ANKRD44: variants seen among roughly 807,000 people sequenced by gnomAD.
ANKRD44 encodes serine/threonine-protein phosphatase 6 regulatory ankyrin repeat subunit B.
In ANKRD44, 35 loss-of-function variants were observed where a neutral mutation model predicts 116.0. That is an observed-to-expected ratio of 0.30 (90% CI 0.23 to 0.40). The LOEUF (loss-of-function observed/expected upper bound fraction) is 0.40, where lower values mean the gene tolerates loss of function less well. Ranked by LOEUF, ANKRD44 falls within the 10% of genes least tolerant of loss-of-function variation. The pLI, the probability that ANKRD44 is intolerant of heterozygous loss-of-function variation, is 1.00. For missense variants in ANKRD44, 1,014 were observed against 1,242.6 expected, an observed-to-expected ratio of 0.82 and a Z score of 2.77; for synonymous variants, 435 against 461.8, an observed-to-expected ratio of 0.94 and a Z score of 0.74.
At chr2:197,060,892 T>C (rs1300404783) in intron 16 of ANKRD44, among the ~76,000 whole-genome samples, 1 of 152,226 alleles carries the variant, frequency 6.6e-6, no homozygotes, top group Non-Finnish European at 1.5e-5. Context: ...TCCCAGTCTC[T>C]GTGTGTCTCT....
At chr2:197,002,732 T>TAAAACAA (rs1260828882) in intron 21 of ANKRD44, among the ~76,000 whole-genome samples, 3 of 152,002 alleles carry the variant, frequency 2.0e-5, no homozygotes, top group Non-Finnish European at 4.4e-5. Context: ...CAGACCTGGT[T>TAAAACAA]AAAACAAAAA....
intron 1 of ANKRD44, among the ~76,000 whole-genome samples, chr2:197,254,035 T>C (rs1198575169): frequency 6.6e-6 from 1 of 152,232 alleles, no homozygotes; most frequent in East Asian, 1.9e-4. Flanking sequence ...GCAGTGAATC[T>C]TCTGGCCTCA....
intron 18 of ANKRD44, among the ~76,000 whole-genome samples, chr2:197,010,358 G>A (rs982416493): frequency 4.6e-5 from 7 of 152,156 alleles, no homozygotes; most frequent in South Asian, 2.1e-4. Context: ...GTGCCTGGCC[G>A]AGGTGTGACT....
intron 1 of ANKRD44, among the ~76,000 whole-genome samples, chr2:197,238,618 C>T (rs140067210): frequency 2.6e-5 from 4 of 152,064 alleles, no homozygotes; most frequent in Non-Finnish European, 4.4e-5. Flanking sequence ...ATATATTTCT[C>T]CCTCGTTGTA....
At chr2:197,214,626 C>T (rs892694279) in intron 1 of ANKRD44, among the ~76,000 whole-genome samples, 1 of 152,100 alleles carries the variant, frequency 6.6e-6, no homozygotes, top group Non-Finnish European at 1.5e-5. Context: ...ACAGTTAATA[C>T]CTATCACTGA....
intron 8 of ANKRD44, 103 bp downstream of exon 8, chr2:197,121,229 A>G (rs765175350): frequency 2.6e-5 from 29 of 1,121,048 alleles, no homozygotes; most frequent in Non-Finnish European, 3.7e-5. Context: ...CAAGGCTGTG[A>G]GGTTCCAACT....
At chr2:197,125,606 TATG>T (rs1394705092) in intron 5 of ANKRD44, 138 bp from the exon 6 acceptor site, 2 of 926,808 alleles carry the variant, frequency 2.2e-6, no homozygotes, top group African/African-American at 3.2e-5. Context: ...AAAGTAGAAA[TATG>T]ATGTCAGAGC....
intron 3 of ANKRD44, among the ~76,000 whole-genome samples, chr2:197,140,770 CTT>C (rs2079343282): frequency 6.6e-6 from 1 of 152,098 alleles, no homozygotes; most frequent in African/African-American, 2.4e-5. Flanking sequence ...CACGAGGAAA[CTT>C]TTGGAGGTGA....
intron 16 of ANKRD44, among the ~76,000 whole-genome samples, chr2:197,070,480 G>A (rs1213612480): frequency 6.6e-6 from 1 of 152,090 alleles, no homozygotes; most frequent in Non-Finnish European, 1.5e-5. Flanking sequence ...TATCAAAAGT[G>A]TTTTCTGCAT....
chr2:197,083,625 G>A, intron 13 of ANKRD44, 116 bp from the exon 14 acceptor site: 3 of 1,113,390 alleles, frequency 2.7e-6, no homozygotes, highest in South Asian at 1.9e-5. Context: ...CTCTCAGAGT[G>A]TGTGGAGGCC....
At chr2:197,162,578 TA>T (rs1341241331) in intron 2 of ANKRD44, among the ~76,000 whole-genome samples, 1 of 152,202 alleles carries the variant, frequency 6.6e-6, no homozygotes, top group African/African-American at 2.4e-5. Flanking sequence ...TGTTTTATTT[TA>T]AAGCCACAAA....
chr2:197,097,315 T>TGAAA, intron 10 of ANKRD44, among the ~76,000 whole-genome samples: 1 of 152,326 alleles, frequency 6.6e-6, no homozygotes, highest in African/African-American at 2.4e-5. Flanking sequence ...AAAATACCAC[T>TGAAA]GAAAATATTA....
chr2:196,993,692 G>A lies in ANKRD44; in HGVS notation c.2832-18C>T, dbSNP rs78568593. 2,594 of 1,546,688 alleles carry A rather than the reference G, an allele frequency of 1.7e-3. 34 individuals carry two copies. The African/African-American group carries it at 0.032, about 19-fold the overall frequency. Reference sequence around the variant, plus strand: ...GGAGGGGTCTAAAAAACACAAGACCGAGCATCAGTTGTGATACATATTTGG... The same window carrying A: ...GGAGGGGTCTAAAAAACACAAGACCAAGCATCAGTTGTGATACATATTTGG... On this transcript the variant is annotated intron_variant, in intron 26 of 27. Transcript: ENST00000282272.
intron 1 of ANKRD44, among the ~76,000 whole-genome samples, chr2:197,266,359 G>A (rs1017312847): frequency 6.6e-6 from 1 of 152,072 alleles, no homozygotes; most frequent in Non-Finnish European, 1.5e-5. Flanking sequence ...GGGGAAAAAT[G>A]GAAAATTACA....
At chr2:197,302,828 C>G (rs2083951454) in intron 1 of ANKRD44, among the ~76,000 whole-genome samples, 1 of 152,186 alleles carries the variant, frequency 6.6e-6, no homozygotes, top group African/African-American at 2.4e-5. Context: ...TGGGCCAACC[C>G]TTCAGAAATA....
chr2:197,266,089 G>T (rs1574399943), intron 1 of ANKRD44, among the ~76,000 whole-genome samples: 2 of 152,132 alleles, frequency 1.3e-5, no homozygotes, highest in East Asian at 3.9e-4. Flanking sequence ...AAGGCGTTGT[G>T]CTTTCGTGGG....
At chr2:197,027,604 TGAA>T (rs1413328738) in intron 16 of ANKRD44, among the ~76,000 whole-genome samples, 1 of 150,708 alleles carries the variant, frequency 6.6e-6, no homozygotes, top group Non-Finnish European at 1.5e-5. Context: ...TGGAACCAAG[TGAA>T]GAAGGAGTTT....
chr2:197,084,293 C>A (rs2077869249), intron 13 of ANKRD44, among the ~76,000 whole-genome samples: 2 of 152,140 alleles, frequency 1.3e-5, no homozygotes, highest in Middle Eastern at 3.2e-3. Flanking sequence ...GTTGGTTTAG[C>A]CCCAGGAGTG....
At chr2:197,125,326 T>C (rs1313223336) in intron 6 of ANKRD44, 55 bp downstream of exon 6, 8 of 1,475,532 alleles carry the variant, frequency 5.4e-6, no homozygotes, top group East Asian at 2.3e-5. Flanking sequence ...GAGAGACCCA[T>C]GGCTTATTTA....
Sources: gnomAD v4.1 joint callset for allele counts (sites outside exome capture counted in the v4.1 genomes callset) on GRCh38, gnomAD v4.1.1 for gene constraint, MANE v1.5 for transcripts, NCBI Gene and HGNC (gene_info 2026-07-23, HGNC 2026-07-21) for gene names.